The following AP3B2 variants were observed in gnomAD, a reference collection of about 807,000 sequenced individuals.
The protein encoded by AP3B2 is adaptor related protein complex 3 subunit beta 2, also known as AP-3 complex subunit beta-2.
A neutral mutation model predicts 126.9 loss-of-function variants in AP3B2; 50 were observed. The observed-to-expected ratio is 0.39, with a 90% confidence interval of 0.31 to 0.50. The LOEUF is 0.50. Ranked by LOEUF, AP3B2 falls within the 20% of genes least tolerant of loss-of-function variation. The pLI is 0.79. For missense variants in AP3B2, 1,177 were observed against 1,426.4 expected, an observed-to-expected ratio of 0.83 and a Z score of 2.82; for synonymous variants, 541 against 565.0, an observed-to-expected ratio of 0.96 and a Z score of 0.60.
intron 20 of AP3B2, 76 bp from the exon 21 acceptor site, chr15:82,663,696 AT>A: frequency 1.2e-6 from 2 of 1,610,270 alleles, no homozygotes; most frequent in East Asian, 4.5e-5. Context: ...AGAAGATGTC[AT>A]GTTCTGTTCT....
intron 1 of AP3B2, chr15:82,692,261 G>C: frequency 1.2e-6 from 1 of 862,708 alleles, no homozygotes; most frequent in Admixed American, 2.8e-5. Context: ...GCTTGATCTT[G>C]CGGATCCGGC....
chr15:82,696,949 C>T (rs1345047304), intron 1 of AP3B2, among the ~76,000 whole-genome samples: 1 of 152,180 alleles, frequency 6.6e-6, no homozygotes, highest in Non-Finnish European at 1.5e-5. Flanking sequence ...TGGGGACTCA[C>T]ACACACTAAT....
intron 1 of AP3B2, among the ~76,000 whole-genome samples, chr15:82,693,494 G>A (rs1173421025): frequency 2.0e-5 from 3 of 151,406 alleles, no homozygotes; most frequent in South Asian, 4.2e-4. Flanking sequence ...TGATCTTCCC[G>A]CCTCATCCTC....
At chr15:82,659,769 G>A (rs1307888524) in intron 26 of AP3B2, 59 bp from the exon 27 acceptor site, 2 of 1,609,308 alleles carry the variant, frequency 1.2e-6, no homozygotes, top group Non-Finnish European at 1.7e-6. Flanking sequence ...GTTTGGAAGG[G>A]GATCAGCAGC....
At chr15:82,691,744 G>C in intron 1 of AP3B2, 1 of 1,585,768 alleles carries the variant, frequency 6.3e-7, no homozygotes, top group Non-Finnish European at 8.6e-7. Flanking sequence ...TGAAAGGAGA[G>C]AAGTGGTGTG....
intron 14 of AP3B2, among the ~76,000 whole-genome samples, chr15:82,669,650 C>G (rs1195553154): frequency 6.8e-6 from 1 of 146,866 alleles, no homozygotes; most frequent in East Asian, 2.1e-4. Context: ...CAAGATGGCG[C>G]CACTGCACTC....
chr15:82,689,348 C>A (rs769055547), intron 2 of AP3B2, 30 bp downstream of exon 2: 2 of 1,612,736 alleles, frequency 1.2e-6, no homozygotes, highest in Middle Eastern at 1.6e-4. Context: ...AGGCCCCGCC[C>A]GGAGGGAGGC....
At chr15:82,679,497 T>C (rs945897900) in intron 10 of AP3B2, among the ~76,000 whole-genome samples, 2 of 152,168 alleles carry the variant, frequency 1.3e-5, no homozygotes, top group Non-Finnish European at 2.9e-5. Context: ...GGTTACTTCA[T>C]TTATGAAGAG....
At chr15:82,662,646 ACT>A (rs768320180) in intron 23 of AP3B2, 46 bp downstream of exon 23, 18 of 1,530,222 alleles carry the variant, frequency 1.2e-5, no homozygotes, top group Non-Finnish European at 9.8e-6. Context: ...AGAAAGACTG[ACT>A]CTGCCCAGGA....
chr15:82,675,990 C>A (rs960845976), intron 14 of AP3B2, among the ~76,000 whole-genome samples: 1 of 152,158 alleles, frequency 6.6e-6, no homozygotes, highest in African/African-American at 2.4e-5. Flanking sequence ...TAACCTTTCA[C>A]CTTGGGAATG....
chr15:82,664,846 G>A lies in AP3B2; in HGVS notation c.2126C>T (p.Ser709Phe), dbSNP rs1183087157. Residue 709 changes from serine to phenylalanine, a missense_variant, in exon 18 of 27, where the codon TCC becomes TTC. Physicochemically the swap from Ser to Phe is radical, Grantham distance 155. Coordinates refer to ENST00000535359, the MANE Select transcript of AP3B2 (RefSeq NM_001278512.2). The surrounding 1 kb of genome is among the most constrained non-coding windows in gnomAD (Gnocchi z 4.5). ...DSEGESGPTE[S>F]ADSDPESESE... Reference sequence around the variant, plus strand: ...TGCCATCTGCTCACCACTGTCTGCGGACTCCGTGGGGCCTGACTCCCCCTC... The same window carrying A: ...TGCCATCTGCTCACCACTGTCTGCGAACTCCGTGGGGCCTGACTCCCCCTC... The A allele has an allele frequency of 1.9e-6, 3 of 1,593,614 alleles. 1 individual carries two copies. Among genetic ancestry groups the A allele is most frequent in the South Asian group, 2.3e-5 (2 of 87,602 alleles).
At chr15:82,685,191 T>C (rs750652667) in intron 4 of AP3B2, 3 of 152,324 alleles carry the variant, frequency 2.0e-5, no homozygotes, top group Non-Finnish European at 2.9e-5. Context: ...TAACATATAA[T>C]AATCATTAAA....
intron 4 of AP3B2, chr15:82,688,205 T>C: frequency 1.9e-6 from 1 of 533,332 alleles, no homozygotes; most frequent in East Asian, 2.9e-5. Context: ...GAAATGGCTG[T>C]CTTTACCCTC....
chr15:82,664,442 C>T lies in AP3B2; in HGVS notation c.2186G>A (p.Gly729Asp), dbSNP rs1188621630. 6.2e-7 allele frequency: 1 copy of T among 1,613,932 alleles called. No individual in the cohort carries two copies. Among genetic ancestry groups the T allele is most frequent in the South Asian group, 1.1e-5 (1 of 91,080 alleles). The change falls in exon 19 of 27, where the codon GGC becomes GAC. Residue 729 changes from glycine (G) to aspartate (D), a missense_variant. Physicochemically the swap from Gly to Asp is moderately conservative, Grantham distance 94 (BLOSUM62 -1). This residue lies in a region of AP3B2 where 587 missense variants were observed against 571.3 expected (regional missense o/e 1.03). Coordinates refer to ENST00000535359, the MANE Select transcript of AP3B2 (RefSeq NM_001278512.2). This position sits in a 1 kb window ranked among gnomAD's most constrained non-coding sequence, Gnocchi z 4.5. Reference sequence around the variant, plus strand: ...GGACTCACTGCTGGACTCCCCAGAGCCGCTCTCACTGCTGCTCTTACTGTC... The same window carrying T: ...GGACTCACTGCTGGACTCCCCAGAGTCGCTCTCACTGCTGCTCTTACTGTC... ...ESDSKSSSESGSGESSSESDN... is the reference protein window; with the variant it reads ...ESDSKSSSESDSGESSSESDN...
chr15:82,659,858 A>G lies in AP3B2; in HGVS notation c.3142T>C (p.Ser1048Pro). The change falls in exon 26 of 27, where the codon TCT becomes CCT. Residue 1048 changes from serine to proline, a missense_variant. Ser to Pro is a moderately conservative substitution (Grantham distance 74). This residue lies in a region of AP3B2 where 587 missense variants were observed against 571.3 expected (regional missense o/e 1.03). Transcript: ENST00000535359. ...ANLGRVPCGT[S>P]DEYRFAGRTL... is the part of the protein sequence containing the mutation. ...GTGGCCTAGTACCTGTACTCATCAG[A>G]TGTCCCACAAGGAACACGACCCAGG... 1.1e-5 allele frequency: 17 copies of G among 1,613,934 alleles called. No individual in the cohort carries two copies. Among genetic ancestry groups the G allele is most frequent in the Non-Finnish European group, 1.2e-5 (14 of 1,179,850 alleles).
chr15:82,683,916 A>G (rs1015541846), intron 4 of AP3B2, among the ~76,000 whole-genome samples: 7 of 152,246 alleles, frequency 4.6e-5, no homozygotes, highest in Admixed American at 4.6e-4. Context: ...GAGCAGTAAT[A>G]TTATGAAAGG....
intron 1 of AP3B2, among the ~76,000 whole-genome samples, chr15:82,698,762 C>T (rs2048669009): frequency 6.6e-6 from 1 of 152,048 alleles, no homozygotes; most frequent in Non-Finnish European, 1.5e-5. Context: ...CCTCACCACA[C>T]CCACAAATGC....
At chr15:82,660,726 C>G (rs893501613) in intron 25 of AP3B2, among the ~76,000 whole-genome samples, 1 of 152,226 alleles carries the variant, frequency 6.6e-6, no homozygotes, top group Non-Finnish European at 1.5e-5. Context: ...CCTGTTTCTT[C>G]TATCCCCTTC....
Position 82,663,245 on chromosome 15 carries a change from G to A in AP3B2, c.2498-12C>T, listed in dbSNP as rs993230240. 1 of 1,602,914 alleles carries A rather than the reference G, an allele frequency of 6.2e-7. No homozygotes were observed. The highest frequency in any genetic ancestry group is 8.5e-7 in the Non-Finnish European group (1 of 1,171,894). ...ACTGGGAGGGGTGACTGTGGGAGTA[G>A]ATAAGACTATGAGGAGGCAAAGTGG... On this transcript the variant is annotated splice_polypyrimidine_tract_variant and intron_variant, in intron 21 of 26. Coordinates refer to ENST00000535359, the MANE Select transcript of AP3B2 (RefSeq NM_001278512.2).
Sources: allele counts gnomAD v4.1 joint callset (sites outside exome capture counted in the v4.1 genomes callset), GRCh38; gene constraint gnomAD v4.1.1; regional missense constraint gnomAD v4.1.1; non-coding constraint Gnocchi (gnomAD v3.1); transcripts MANE v1.5; gene names NCBI Gene and HGNC (gene_info 2026-07-23, HGNC 2026-07-21).